The following SYT15 variants were observed in gnomAD, a reference collection of about 807,000 sequenced individuals.
The protein encoded by SYT15 is synaptotagmin-15.
SYT15 carries 4 observed loss-of-function variants against 30.1 expected under a neutral mutation model. That is an observed-to-expected ratio of 0.13 (90% CI 0.07 to 0.30). SYT15 has a LOEUF of 0.30. SYT15 is among the 10% of genes least tolerant of loss of function. SYT15 has a pLI of 1.00. For missense variants in SYT15, 49 were observed against 371.7 expected, an observed-to-expected ratio of 0.13 and a Z score of 7.14; for synonymous variants, 19 against 166.3, an observed-to-expected ratio of 0.11 and a Z score of 6.82.
At chr10:46,581,120 C>G (rs1426428036) in intron 3 of SYT15, 84 bp downstream of exon 3, 1 of 531,376 alleles carries the variant, frequency 1.9e-6, no homozygotes, top group Non-Finnish European at 3.3e-6. Context: ...CTCCGGAACA[C>G]AACCTGAACC....
At chr10:46,595,269 A>G (rs1313140539), downstream of SYT15, among the ~76,000 whole-genome samples, 4 of 137,334 alleles carry the variant, frequency 2.9e-5, no homozygotes, top group Non-Finnish European at 4.7e-5. Flanking sequence ...CTGGGATTAC[A>G]GGCATGCGCT....
chr10:46,581,142 C>T (rs1555036891), intron 3 of SYT15, 106 bp downstream of exon 3: 1 of 523,948 alleles, frequency 1.9e-6, no homozygotes, highest in South Asian at 2.3e-5. Context: ...GCCAGGGATG[C>T]CAGGGACCAC....
At chr10:46,582,332 AG>A in intron 4 of SYT15, 141 bp downstream of exon 4, 3 of 595,084 alleles carry the variant, frequency 5.0e-6, no homozygotes, top group Middle Eastern at 2.9e-4. Context: ...TGCTTTACCT[AG>A]TCTGCTAGGT....
chr10:46,594,824 C>G (rs1295768768), downstream of SYT15, among the ~76,000 whole-genome samples: 2 of 102,352 alleles, frequency 2.0e-5, no homozygotes, highest in African/African-American at 9.3e-5. Flanking sequence ...GTGTTTTATT[C>G]AGCCTTTCCA....
chr10:46,580,750 G>A lies in SYT15; in HGVS notation c.213-144G>A, dbSNP rs1425801649. On this transcript the variant is annotated intron_variant, in intron 2 of 7. Coordinates refer to ENST00000374321, the MANE Select transcript of SYT15 (RefSeq NM_031912.5). The stretch of plus-strand genomic sequence containing the variant: ...TGTGTGTGTGTGTTGCCTGGTATGG[G>A]CCCAGAAAATGGTGCCCTGGCCTCC... 22 of 531,014 alleles carry A rather than the reference G, an allele frequency of 4.1e-5. 2 individuals carry two copies. Among genetic ancestry groups the A allele is most frequent in the Non-Finnish European group, 5.6e-5 (17 of 303,468 alleles). 32.9% of individuals were successfully genotyped at this position (531,014 alleles called of 1,614,324 possible). A position where few individuals can be genotyped will look rare whatever the true frequency, so the allele number is the denominator to read the frequency against.
At chr10:46,584,398 C>T (rs1414124878) in intron 5 of SYT15, 97 bp from the exon 6 acceptor site, 2 of 1,434,322 alleles carry the variant, frequency 1.4e-6, no homozygotes, top group Non-Finnish European at 1.9e-6. Context: ...GTCGCATGGA[C>T]CGCTAGGAGG....
At position 46,591,372 on chromosome 10, in the gene SYT15, GTAAA is replaced by G. The variant is rs782513544; in HGVS notation, c.*3742_*3745del. On this transcript the variant is annotated 3_prime_UTR_variant, in exon 8 of 8. Transcript: ENST00000374321. ...GACTCTGTCTCCAAAAATAAAATAA[GTAAA>G]TAAATAAATAAATAAAATTTAGATC... is the stretch of plus-strand genomic sequence containing the variant. 4.9e-4 allele frequency: 35 copies of G among 71,886 alleles called. 1 individual carries two copies. The highest frequency in any genetic ancestry group is 8.1e-4 in the Non-Finnish European group (31 of 38,212). 4.5% of individuals were successfully genotyped at this position (71,886 alleles called of 1,614,324 possible). A position where few individuals can be genotyped will look rare whatever the true frequency, so the allele number is the denominator to read the frequency against.
Position 46,584,413 on chromosome 10 carries a change from G to A in SYT15, c.823-82G>A, listed in dbSNP as rs1165853482. ...GTCGCATGGACCGCTAGGAGGAAGC[G>A]GGAGGCTCTCTGGGGGTTCTGTGAC... On this transcript the variant is annotated intron_variant, in intron 5 of 7. Transcript: ENST00000374321. The A allele has an allele frequency of 2.4e-5, 37 of 1,547,828 alleles. No individual in the cohort carries two copies. In the East Asian group the frequency reaches 3.0e-4, roughly 12 times the overall value.
rs7914056 is a variant in SYT15 at position 46,586,626 on chromosome 10, C to T, written c.1123+849C>T. Among the ~76,000 whole-genome samples, 37 of 140,936 alleles carry T rather than the reference C, an allele frequency of 2.6e-4. 5 individuals carry two copies. The highest frequency in any genetic ancestry group is 5.2e-4 in the Non-Finnish European group (34 of 65,276). The allele number at this position is 140,936 out of a possible 152,430, so 92.5% of individuals were successfully genotyped here. On this transcript the variant is annotated intron_variant, in intron 7 of 7. Coordinates refer to ENST00000374321, the MANE Select transcript of SYT15 (RefSeq NM_031912.5). ...CTTTGGGAGACCGAGAGGGGTGGAT[C>T]ACGACGTCAAGAGATCAAGACCATC...
downstream of SYT15, among the ~76,000 whole-genome samples, chr10:46,595,153 GT>G (rs1555045225): frequency 3.6e-5 from 5 of 137,046 alleles, no homozygotes; most frequent in South Asian, 1.1e-3. Context: ...TTTTTTTAGG[GT>G]TTCACTCTTG....
At chr10:46,592,116 T>C (rs1397025591), downstream of SYT15, 2 of 141,108 alleles carry the variant, frequency 1.4e-5, no homozygotes, top group Non-Finnish European at 3.1e-5. Context: ...TGTTGCTTTC[T>C]TTCTGATTAT....
downstream of SYT15, chr10:46,596,955 G>A (rs1289183011): frequency 6.5e-6 from 2 of 306,096 alleles, no homozygotes; most frequent in Admixed American, 8.8e-5. Context: ...TTGGTTAACT[G>A]AGAATGATCC....
chr10:46,586,525 A>G lies in SYT15; in HGVS notation c.1123+748A>G, dbSNP rs565216181. 1.1e-4 allele frequency among the ~76,000 whole-genome samples: 12 copies of G among 108,026 alleles called. No individual in the cohort carries two copies. The South Asian group carries it at 4.0e-3, about 36-fold the overall frequency. 70.9% of individuals were successfully genotyped at this position (108,026 alleles called of 152,430 possible). The stretch of plus-strand genomic sequence containing the variant: ...CGCACCACTGCATTCCAGCCTGGGC[A>G]ACAGAGCGAGACTTCGTCTCAAAAA... On this transcript the variant is annotated intron_variant, in intron 7 of 7. Transcript: ENST00000374321.
At chr10:46,584,958 CAGT>C (rs1844723699) in intron 6 of SYT15, among the ~76,000 whole-genome samples, 1 of 104,408 alleles carries the variant, frequency 9.6e-6, no homozygotes, top group African/African-American at 4.1e-5. Flanking sequence ...GGCATGGGTC[CAGT>C]TCCTCCAGGG....
rs1555043271 is a variant in SYT15 at position 46,590,616 on chromosome 10, C to G, written c.*2969C>G. On this transcript the variant is annotated 3_prime_UTR_variant, in exon 8 of 8. Coordinates refer to ENST00000374321, the MANE Select transcript of SYT15 (RefSeq NM_031912.5). ...GGTATACAAATTGCAGTGGCTAGGA[C>G]CTCCAGCAGAATGCTGACTATAAGT... 7.1e-6 allele frequency: 1 copy of G among 139,980 alleles called. No homozygotes were observed. Among genetic ancestry groups the G allele is most frequent in the Admixed American group, 7.1e-5 (1 of 14,044 alleles). 8.7% of individuals were successfully genotyped at this position (139,980 alleles called of 1,614,324 possible).
chr10:46,596,015 G>C (rs1362597871), downstream of SYT15: 1 of 146,136 alleles, frequency 6.8e-6, no homozygotes, highest in Admixed American at 6.7e-5. Context: ...TTCCTGAGGG[G>C]AACTGCAACA....
At chr10:46,584,835 ACG>A (rs1396498006) in intron 6 of SYT15, among the ~76,000 whole-genome samples, 1 of 143,694 alleles carries the variant, frequency 7.0e-6, no homozygotes, top group East Asian at 2.2e-4. Context: ...GGCCTCCCCT[ACG>A]GAGGGTTCTA....
intron 4 of SYT15, among the ~76,000 whole-genome samples, chr10:46,582,548 C>G (rs1305616054): frequency 7.0e-6 from 1 of 143,794 alleles, no homozygotes; most frequent in Non-Finnish European, 1.5e-5. Flanking sequence ...GGGTTTCTGG[C>G]AAGTTTATCT....
In SYT15 at chr10:46,584,716, A is replaced by C. The variant is rs113324281; in HGVS notation, c.943+101A>C. The C allele has an allele frequency of 3.4e-6, 5 of 1,483,684 alleles. No individual in the cohort carries two copies. The African/African-American group carries it at 7.1e-5, about 21-fold the overall frequency. 91.9% of individuals were successfully genotyped at this position (1,483,684 alleles called of 1,614,324 possible). A position where few individuals can be genotyped will look rare whatever the true frequency, so the allele number is the denominator to read the frequency against. The stretch of plus-strand genomic sequence containing the variant: ...CCCTGACCATCCAGTTTCTGCTTGC[A>C]TACACCTATCATGGAGCGCTCACTA... On this transcript the variant is annotated intron_variant, in intron 6 of 7. Transcript: ENST00000374321.
Sources: gnomAD v4.1 joint callset for allele counts (sites outside exome capture counted in the v4.1 genomes callset) on GRCh38, gnomAD v4.1.1 for gene constraint, MANE v1.5 for transcripts, NCBI Gene and HGNC (gene_info 2026-07-23, HGNC 2026-07-21) for gene names.